FHIT: variants seen among roughly 807,000 people sequenced by gnomAD.
FHIT encodes fragile histidine triad diadenosine triphosphatase, also known as bis(5'-adenosyl)-triphosphatase.
FHIT carries 19 observed loss-of-function variants against 17.9 expected under a neutral mutation model. The observed-to-expected ratio is 1.06, with a 90% CI of 0.74 to 1.56. The LOEUF (loss-of-function observed/expected upper bound fraction) is 1.56, where lower values mean the gene tolerates loss of function less well. Ranked by LOEUF, FHIT falls within the 40% of genes most tolerant of loss-of-function variation. The pLI, the probability that FHIT is intolerant of heterozygous loss-of-function variation, is 0.00. For synonymous variants in FHIT, 81 were observed against 69.7 expected (o/e 1.16, Z -0.81); for missense variants, 248 against 189.2 (o/e 1.31, Z -1.82).
At chr3:60,082,743 T>G (rs1703343512) in intron 5 of FHIT, among the ~76,000 whole-genome samples, 1 of 152,156 alleles carries the variant, frequency 6.6e-6, no homozygotes, top group Non-Finnish European at 1.5e-5. Context: ...TGAGCATTTT[T>G]TCATGTTTGT....
intron 4 of FHIT, among the ~76,000 whole-genome samples, chr3:60,595,360 G>A (rs2038228834): frequency 6.9e-6 from 1 of 145,224 alleles, no homozygotes; most frequent in African/African-American, 2.6e-5. Context: ...TAAGCCTGAG[G>A]ACACCATGTT....
At chr3:59,843,077 A>G (rs1449105523) in intron 8 of FHIT, among the ~76,000 whole-genome samples, 1 of 152,144 alleles carries the variant, frequency 6.6e-6, no homozygotes, top group Non-Finnish European at 1.5e-5. Context: ...TTAAATTTTT[A>G]TATGGTGTAA....
intron 7 of FHIT, among the ~76,000 whole-genome samples, chr3:59,940,210 A>G (rs1706445493): frequency 6.6e-6 from 1 of 152,204 alleles, no homozygotes; most frequent in South Asian, 2.1e-4. Context: ...CTTAGTAAGC[A>G]TAGATGTAAG....
chr3:60,790,271 A>C (rs1700729617), intron 4 of FHIT, among the ~76,000 whole-genome samples: 1 of 152,186 alleles, frequency 6.6e-6, no homozygotes, highest in South Asian at 2.1e-4. Context: ...GGAATTTACA[A>C]ATCAGTGAAG....
At position 60,631,114 on chromosome 3, in the gene FHIT, T is replaced by C. The variant is rs1423877835; in HGVS notation, c.-17-94135A>G. 2.0e-5 allele frequency among the ~76,000 whole-genome samples: 3 copies of C among 152,060 alleles called. No homozygotes were observed. The East Asian group carries it at 5.8e-4, about 29-fold the overall frequency. On this transcript the variant is annotated intron_variant, in intron 4 of 9. Coordinates refer to ENST00000492590, the MANE Select transcript of FHIT (RefSeq NM_002012.4). Reference sequence around the variant, plus strand: ...AGGGGACAACAGATAAAAGTCTCTGTCAAGTTGTCATTAGATGCTTAATGC... The same window carrying C: ...AGGGGACAACAGATAAAAGTCTCTGCCAAGTTGTCATTAGATGCTTAATGC...
chr3:59,882,284 T>C (rs1057155575), intron 8 of FHIT, among the ~76,000 whole-genome samples: 1 of 152,188 alleles, frequency 6.6e-6, no homozygotes, highest in Non-Finnish European at 1.5e-5. Flanking sequence ...AGTATAAAGT[T>C]AATATCGTTT....
intron 2 of FHIT, among the ~76,000 whole-genome samples, chr3:61,170,906 C>T (rs539356211): frequency 3.6e-4 from 54 of 151,952 alleles, no homozygotes; most frequent in Non-Finnish European, 5.6e-4. Context: ...TTCCATAATC[C>T]CACTGGTATT....
chr3:60,308,135 A>T (rs1443407346), intron 5 of FHIT, among the ~76,000 whole-genome samples: 1 of 152,126 alleles, frequency 6.6e-6, no homozygotes, highest in Non-Finnish European at 1.5e-5. Context: ...ATTAAGCTCA[A>T]GTCACCCATA....
At chr3:59,770,862 C>T (rs930330821) in intron 8 of FHIT, among the ~76,000 whole-genome samples, 1 of 152,150 alleles carries the variant, frequency 6.6e-6, no homozygotes, top group African/African-American at 2.4e-5. Context: ...TTGACCTCAC[C>T]CATGCCTGTG....
At chr3:60,079,740 C>T (rs1224585600) in intron 5 of FHIT, among the ~76,000 whole-genome samples, 1 of 152,022 alleles carries the variant, frequency 6.6e-6, no homozygotes, top group Admixed American at 6.6e-5. Flanking sequence ...TAAGTTTTTC[C>T]TCCAACTCAC....
At chr3:60,039,480 G>C (rs1701350677) in intron 5 of FHIT, among the ~76,000 whole-genome samples, 1 of 152,162 alleles carries the variant, frequency 6.6e-6, no homozygotes, top group Admixed American at 6.6e-5. Context: ...TGAGGGGAAG[G>C]CTGCTTAGGT....
At position 60,903,341 on chromosome 3, in the gene FHIT, T is replaced by C. The variant is rs547158875; in HGVS notation, c.-110-81330A>G. Among the ~76,000 whole-genome samples the C allele has an allele frequency of 4.6e-5, 7 of 152,348 alleles. No homozygotes were observed. The East Asian group carries it at 1.3e-3, about 29-fold the overall frequency. On this transcript the variant is annotated intron_variant, in intron 3 of 9. Coordinates refer to ENST00000492590, the MANE Select transcript of FHIT (RefSeq NM_002012.4). ...TGTGTCAGGTATTTTACCTACATTA[T>C]ATCATTTAACATTCTAAATATCACT...
Position 59,747,810 on chromosome 3 carries a change from G to T in FHIT, c.*1775C>A, listed in dbSNP as rs1353538494. Among the ~76,000 whole-genome samples, 1 of 152,024 alleles carries T rather than the reference G, an allele frequency of 6.6e-6. No homozygotes were observed. The highest frequency in any genetic ancestry group is 2.4e-5 in the African/African-American group (1 of 41,414). On this transcript the variant is annotated 3_prime_UTR_variant, in exon 10 of 10. Coordinates refer to ENST00000492590, the MANE Select transcript of FHIT (RefSeq NM_002012.4). ...CTGCAGGGGTTGGGGGGAGGTGGGT[G>T]GGTGGAAAGGAGTACTGGTTTAGGG...
intron 5 of FHIT, among the ~76,000 whole-genome samples, chr3:60,095,221 A>C (rs1021277793): frequency 1.3e-5 from 2 of 152,314 alleles, no homozygotes; most frequent in Middle Eastern, 3.4e-3. Context: ...CGGAGGCAAA[A>C]CTTCTAGGAT....
At chr3:61,036,936 G>A (rs1169919206) in intron 3 of FHIT, among the ~76,000 whole-genome samples, 1 of 137,026 alleles carries the variant, frequency 7.3e-6, no homozygotes, top group Non-Finnish European at 1.5e-5. Flanking sequence ...TTTTGAGATG[G>A]AGTCTCGCTC....
At chr3:60,085,962 C>T (rs1703476199) in intron 5 of FHIT, among the ~76,000 whole-genome samples, 1 of 152,062 alleles carries the variant, frequency 6.6e-6, no homozygotes, top group Non-Finnish European at 1.5e-5. Context: ...TGAAGAAATA[C>T]CTGAGGTGGT....
At chr3:60,565,430 G>A (rs1000174290) in intron 4 of FHIT, among the ~76,000 whole-genome samples, 9 of 152,252 alleles carry the variant, frequency 5.9e-5, no homozygotes, top group East Asian at 3.9e-4. Context: ...AACACTTTCC[G>A]TTAATGGAGA....
intron 5 of FHIT, among the ~76,000 whole-genome samples, chr3:60,126,404 A>C (rs1449178824): frequency 6.6e-6 from 1 of 152,154 alleles, no homozygotes; most frequent in Non-Finnish European, 1.5e-5. Context: ...TGATATAAAC[A>C]ATGTGTTTGA....
At chr3:61,020,902 A>G (rs1468210541) in intron 3 of FHIT, among the ~76,000 whole-genome samples, 1 of 152,218 alleles carries the variant, frequency 6.6e-6, no homozygotes, top group African/African-American at 2.4e-5. Flanking sequence ...GATAAAACAG[A>G]CTTTTAACCA....
Sources: allele counts gnomAD v4.1 joint callset (sites outside exome capture counted in the v4.1 genomes callset), GRCh38; gene constraint gnomAD v4.1.1; transcripts MANE v1.5; gene names NCBI Gene and HGNC (gene_info 2026-07-23, HGNC 2026-07-21).